Variants in PFKFB3 observed in about 807,000 individuals in gnomAD.
PFKFB3 encodes the protein 6-phosphofructo-2-kinase/fructose-2,6-biphosphatase 3.
A neutral mutation model predicts 68.0 loss-of-function variants in PFKFB3; 33 were observed. The observed-to-expected ratio is 0.49, with a 90% CI of 0.37 to 0.65. The LOEUF is 0.65. Among genes scored for constraint, PFKFB3 ranks in the 30% least tolerant of loss-of-function variants. The pLI, the probability that PFKFB3 is intolerant of heterozygous loss-of-function variation, is 0.00. For missense variants in PFKFB3, 586 were observed against 712.2 expected (o/e 0.82, Z 2.02); for synonymous variants, 315 against 288.2 (o/e 1.09, Z -0.94).
At chr10:6,204,152 G>A (rs113608451) in intron 1 of PFKFB3, among the ~76,000 whole-genome samples, 1 of 152,262 alleles carries the variant, frequency 6.6e-6, no homozygotes, top group African/African-American at 2.4e-5. Flanking sequence ...CGATCGCTTG[G>A]GAGAGGGTTA....
intron 14 of PFKFB3, among the ~76,000 whole-genome samples, chr10:6,248,707 A>G (rs1846311828): frequency 6.6e-6 from 1 of 151,940 alleles, no homozygotes; most frequent in Non-Finnish European, 1.5e-5. Context: ...TGGCCAACAG[A>G]TATATAAAAA....
the PFKFB3 span, among the ~76,000 whole-genome samples, chr10:6,318,616 C>T: frequency 7.9e-5 from 12 of 152,292 alleles, no homozygotes; most frequent in South Asian, 2.1e-4. Flanking sequence ...TGCCTGACCA[C>T]GAAGATTTGT....
the PFKFB3 span, chr10:6,277,764 T>G: frequency 2.3e-6 from 1 of 429,616 alleles, no homozygotes; most frequent in Admixed American, 2.5e-5. Context: ...TAAGGAACTA[T>G]GAGCCAATGA....
rs1028904472 is a variant in PFKFB3, at chr10:6,215,324, C to T, written c.299+7C>T. ...AAGCCATGAAAGTCCGGAAGTAAGG[C>T]TGGGCCGCGGGCGTAGGGCTGGGCT... On this transcript the variant is annotated splice_region_variant and intron_variant, in intron 3 of 14. Transcript: ENST00000379775. This position sits in a 1 kb window ranked among gnomAD's most constrained non-coding sequence, Gnocchi z 4.3. 1.9e-6 allele frequency: 3 copies of T among 1,609,620 alleles called. No individual in the cohort carries two copies. In the African/African-American group the frequency reaches 4.0e-5, roughly 22 times the overall value.
chr10:6,204,117 C>T (rs1843530846), intron 1 of PFKFB3, among the ~76,000 whole-genome samples: 1 of 152,272 alleles, frequency 6.6e-6, no homozygotes, highest in Non-Finnish European at 1.5e-5. Flanking sequence ...TGCCCCGCCC[C>T]GCCGGTCGCC....
At chr10:6,189,675 C>T (rs892491946) in intron 1 of PFKFB3, among the ~76,000 whole-genome samples, 2 of 151,940 alleles carry the variant, frequency 1.3e-5, no homozygotes, top group African/African-American at 4.8e-5. Context: ...CCACCAAGCC[C>T]AGCTAATTTT....
chr10:6,300,459 GC>G, the PFKFB3 span, among the ~76,000 whole-genome samples: 1 of 152,194 alleles, frequency 6.6e-6, no homozygotes, highest in African/African-American at 2.4e-5. Context: ...GCTCCCCCAT[GC>G]CCCCGGCAGC....
At chr10:6,267,196 C>A in the PFKFB3 span, among the ~76,000 whole-genome samples, 2 of 152,206 alleles carry the variant, frequency 1.3e-5, no homozygotes, top group African/African-American at 4.8e-5. Context: ...ACTGGTATTT[C>A]CCAGCTTGTA....
downstream of PFKFB3, among the ~76,000 whole-genome samples, chr10:6,255,972 G>C (rs532299876): frequency 1.6e-4 from 25 of 152,272 alleles, 2 homozygotes; most frequent in South Asian, 1.9e-3. Context: ...CATTAGCCGC[G>C]TGCTTCAGCG....
chr10:6,316,105 G>A, the PFKFB3 span, among the ~76,000 whole-genome samples: 1 of 152,060 alleles, frequency 6.6e-6, no homozygotes, highest in African/African-American at 2.4e-5. Context: ...TCTGTAAGGT[G>A]GTGTATGTGT....
intron 1 of PFKFB3, among the ~76,000 whole-genome samples, chr10:6,181,796 TAAAAAA>T (rs60557537): frequency 1.3e-4 from 15 of 114,156 alleles, no homozygotes; most frequent in Admixed American, 4.9e-4. Flanking sequence ...AGACTCCGTT[TAAAAAA>T]AAAAAAAAAA....
At chr10:6,320,661 G>A in the PFKFB3 span, among the ~76,000 whole-genome samples, 1 of 152,170 alleles carries the variant, frequency 6.6e-6, no homozygotes, top group East Asian at 1.9e-4. Context: ...CTGGGCTTAA[G>A]GGATCCTCCT....
intron 1 of PFKFB3, among the ~76,000 whole-genome samples, chr10:6,193,852 C>T (rs1015294326): frequency 6.6e-6 from 1 of 152,094 alleles, no homozygotes; most frequent in Non-Finnish European, 1.5e-5. Flanking sequence ...GGGGAGATTA[C>T]AAAGTACATT....
At chr10:6,173,726 G>T (rs908719581) in intron 1 of PFKFB3, among the ~76,000 whole-genome samples, 1 of 151,938 alleles carries the variant, frequency 6.6e-6, no homozygotes, top group African/African-American at 2.4e-5. Context: ...AGCTGCGGGG[G>T]TGCAGAGAGA....
At chr10:6,305,724 T>C in the PFKFB3 span, among the ~76,000 whole-genome samples, 1 of 152,214 alleles carries the variant, frequency 6.6e-6, no homozygotes, top group Admixed American at 6.5e-5. Flanking sequence ...GGTTACTTTA[T>C]CTGTGGGACT....
chr10:6,153,313 C>T (rs566008988), intron 1 of PFKFB3, among the ~76,000 whole-genome samples: 24 of 152,388 alleles, frequency 1.6e-4, no homozygotes, highest in Admixed American at 1.4e-3. Context: ...ATAAGCTCTT[C>T]GGTCCTTTCA....
chr10:6,197,325 TA>T (rs1843204868), intron 1 of PFKFB3, among the ~76,000 whole-genome samples: 1 of 152,168 alleles, frequency 6.6e-6, no homozygotes, highest in Admixed American at 6.5e-5. Flanking sequence ...ACCATTGTGT[TA>T]CAGTTGCCTA....
chr10:6,187,865 A>G (rs1477470020), intron 1 of PFKFB3, among the ~76,000 whole-genome samples: 1 of 152,184 alleles, frequency 6.6e-6, no homozygotes, highest in Non-Finnish European at 1.5e-5. Flanking sequence ...AGTTGCAGAA[A>G]TAGTGCAAAG....
intron 1 of PFKFB3, among the ~76,000 whole-genome samples, chr10:6,203,791 C>G (rs61297532): frequency 0.17 from 26,093 of 152,226 alleles, 2,427 homozygotes; most frequent in East Asian, 0.31. Context: ...CCTATCCCCT[C>G]GCTTCACTTA....
Sources: gnomAD v4.1 joint callset for allele counts (sites outside exome capture counted in the v4.1 genomes callset) on GRCh38, gnomAD v4.1.1 for gene constraint, Gnocchi (gnomAD v3.1) non-coding constraint, MANE v1.5 for transcripts, NCBI Gene and HGNC (gene_info 2026-07-23, HGNC 2026-07-21) for gene names.